The following SELE variants were observed in gnomAD, a reference collection of about 807,000 sequenced individuals.
The protein encoded by SELE is E-selectin.
Under a neutral mutation model 75.8 loss-of-function variants are expected in SELE, and 52 were observed. The observed-to-expected ratio is 0.69, with a 90% CI of 0.55 to 0.86. SELE has a LOEUF of 0.86. Ranked by LOEUF, SELE falls within the 40% of genes least tolerant of loss-of-function variation. The pLI is 0.00. For synonymous variants in SELE, 285 were observed against 258.7 expected (o/e 1.10, Z -0.98); for missense variants, 754 against 732.7 (o/e 1.03, Z -0.34).
Position 169,730,700 on chromosome 1 carries a change from T to TG in SELE, c.530-84_530-83insC. On this transcript the variant is annotated intron_variant, in intron 4 of 13. Coordinates refer to ENST00000333360, the MANE Select transcript of SELE (RefSeq NM_000450.2). ...CTGGAAACTAGAACTACAGTTTGGT[T>TG]TTTTTTTTTTTTAGTTTAAAAATTT... The TG allele has an allele frequency of 7.4e-6, 5 of 680,270 alleles. No homozygotes were observed. The African/African-American group carries it at 8.2e-5, about 11-fold the overall frequency. 42.1% of individuals were successfully genotyped at this position (680,270 alleles called of 1,614,324 possible). A position where few individuals can be genotyped will look rare whatever the true frequency, so the allele number is the denominator to read the frequency against.
At chr1:169,732,243 A>G (rs1174847660) in intron 3 of SELE, among the ~76,000 whole-genome samples, 2 of 151,664 alleles carry the variant, frequency 1.3e-5, no homozygotes, top group African/African-American at 4.8e-5. Flanking sequence ...GTGTGTGTGC[A>G]TTTTTATATG....
In SELE at chr1:169,730,564, G is replaced by A; in HGVS notation, c.583C>T (p.His195Tyr). 2 of 1,614,006 alleles carry A rather than the reference G, an allele frequency of 1.2e-6. No individual in the cohort carries two copies. Among genetic ancestry groups the A allele is most frequent in the South Asian group, 1.1e-5 (1 of 91,068 alleles). The change falls in exon 5 of 14, where the codon CAC becomes TAC. Residue 195 changes from histidine (H) to tyrosine (Y), a missense_variant. His to Tyr is a moderately conservative substitution (Grantham distance 83, BLOSUM62 2). Coordinates refer to ENST00000333360, the MANE Select transcript of SELE (RefSeq NM_000450.2). Reference sequence around the variant, plus strand: ...TTGTAGCTGAAGTTTCCCAGTGGGTGACTGCAAACCAGGCTTCCATGCTCA... The same window carrying A: ...TTGTAGCTGAAGTTTCCCAGTGGGTAACTGCAAACCAGGCTTCCATGCTCA... ...SPEHGSLVCS[H>Y]PLGNFSYNSS...
rs149439310 is a variant in SELE at position 169,731,678 on chromosome 1, C to T, written c.529+157G>A. 174 of 562,486 alleles carry T rather than the reference C, an allele frequency of 3.1e-4. 3 individuals are homozygous for T. In the East Asian group the frequency reaches 5.2e-3, roughly 17 times the overall value. The allele number at this position is 562,486 out of a possible 1,614,324, so 34.8% of individuals were successfully genotyped here. A position where few individuals can be genotyped will look rare whatever the true frequency, so the allele number is the denominator to read the frequency against. On this transcript the variant is annotated intron_variant, in intron 4 of 13. Transcript: ENST00000333360. The stretch of plus-strand genomic sequence containing the variant: ...ATAACTGGTGAATCTAGGACTCAAA[C>T]CCAGCAGGGTCTGACTTCATAGTCT...
In SELE at chr1:169,730,580, T is replaced by C; in HGVS notation, c.567A>G (p.Gly189=). 6.2e-7 allele frequency: 1 copy of C among 1,614,010 alleles called. No homozygotes were observed. Among genetic ancestry groups the C allele is most frequent in the South Asian group, 1.1e-5 (1 of 91,074 alleles). The change falls in exon 5 of 14, where the codon GGA becomes GGG. Residue 189 remains glycine (G), a synonymous_variant. Transcript: ENST00000333360. ...CCAGTGGGTGACTGCAAACCAGGCT[T>C]CCATGCTCAGGGGATTCCAGGGCTG... The part of the protein sequence containing the change: ...NCTALESPEH[G]SLVCSHPLGN...
At chr1:169,726,640 A>G (rs1648780793) in intron 11 of SELE, 59 bp downstream of exon 11, 3 of 1,146,446 alleles carry the variant, frequency 2.6e-6, no homozygotes, top group African/African-American at 1.5e-5. Context: ...ATGACTTATC[A>G]ATGAGAAAGA....
chr1:169,723,317 A>T lies in SELE; in HGVS notation c.*1208T>A, dbSNP rs1278359177. The T allele has an allele frequency of 6.6e-6, 1 of 152,232 alleles. No homozygotes were observed. Among genetic ancestry groups the T allele is most frequent in the East Asian group, 1.9e-4 (1 of 5,204 alleles). The allele number at this position is 152,232 out of a possible 1,614,324, so 9.4% of individuals were successfully genotyped here. On this transcript the variant is annotated 3_prime_UTR_variant, in exon 14 of 14. Transcript: ENST00000333360. Reference sequence around the variant, plus strand: ...AAAATCTACCAGATGACTCTTTTACATGGTGAGTTTCTATTGTGAATTTAA... The same window carrying T: ...AAAATCTACCAGATGACTCTTTTACTTGGTGAGTTTCTATTGTGAATTTAA...
At chr1:169,725,022 A>G (rs1286128306) in intron 13 of SELE, among the ~76,000 whole-genome samples, 1 of 152,146 alleles carries the variant, frequency 6.6e-6, no homozygotes, top group African/African-American at 2.4e-5. Flanking sequence ...TGGCTACACC[A>G]CTTACTAGCT....
chr1:169,729,115 T>C (rs1648844836), intron 7 of SELE, 71 bp downstream of exon 7: 1 of 1,416,216 alleles, frequency 7.1e-7, no homozygotes, highest in African/African-American at 1.4e-5. Context: ...GTATTGGTTT[T>C]TTTTTTCACT....
chr1:169,732,800 T>A lies in SELE; in HGVS notation c.236A>T (p.Asn79Ile). The A allele has an allele frequency of 1.2e-6, 2 of 1,614,130 alleles. No individual in the cohort carries two copies. The highest frequency in any genetic ancestry group is 1.7e-6 in the Non-Finnish European group (2 of 1,180,024). Residue 79 changes from asparagine to isoleucine, a missense_variant, in exon 3 of 14, where the codon AAT becomes ATT. Asn to Ile is a moderately radical substitution (Grantham distance 149). Transcript: ENST00000333360. ...CTGGGTTCCTACCCAGACCCACACA[T>A]TGTTGACTTTTCTGATTCCAATCCA... ...YYWIGIRKVN[N>I]VWVWVGTQKP...
chr1:169,726,218 G>A (rs1648758074), intron 11 of SELE, among the ~76,000 whole-genome samples: 1 of 152,168 alleles, frequency 6.6e-6, no homozygotes, highest in African/African-American at 2.4e-5. Context: ...TAATTTAAAT[G>A]TGAGATTTCC....
At position 169,725,962 on chromosome 1, in the gene SELE, G is replaced by A. The variant is rs759163177; in HGVS notation, c.1754-34C>T. Reference sequence around the variant, plus strand: ...GAAAAGACAAACAACCATTAATTCAGACTAAATGACTTTTAAGGATATATT... The same window carrying A: ...GAAAAGACAAACAACCATTAATTCAAACTAAATGACTTTTAAGGATATATT... On this transcript the variant is annotated intron_variant, in intron 11 of 13. Transcript: ENST00000333360. 6 of 1,612,360 alleles carry A rather than the reference G, an allele frequency of 3.7e-6. No homozygotes were observed. In the South Asian group the frequency reaches 6.6e-5, roughly 18 times the overall value.
chr1:169,729,110 G>C, intron 7 of SELE, 76 bp downstream of exon 7: 5 of 1,344,294 alleles, frequency 3.7e-6, no homozygotes, highest in Non-Finnish European at 5.1e-6. Context: ...AGTGGGTATT[G>C]GTTTTTTTTT....
chr1:169,727,935 A>G lies in SELE; in HGVS notation c.1280-8T>C, dbSNP rs5367. On this transcript the variant is annotated splice_region_variant and splice_polypyrimidine_tract_variant and intron_variant, in intron 8 of 13. Transcript: ENST00000333360. ...CAGCATCGCATCTCACAGCTGGAAC[A>G]CACGAGAGAGCACTTTAGAAGTTTG... 148,511 of 1,611,034 alleles carry G rather than the reference A, an allele frequency of 0.092. 7,451 individuals are homozygous for G. Among genetic ancestry groups the G allele is most frequent in the Middle Eastern group, 0.11 (693 of 6,048 alleles).
Position 169,733,632 on chromosome 1 carries a change from A to C in SELE, c.-20T>G. ...AATCATGACTTCAAGAGTTCTTTTCACCCAAAGGTTTAGGCTTGAAATACT... is the reference window on the plus strand; with the variant it reads ...AATCATGACTTCAAGAGTTCTTTTCCCCCAAAGGTTTAGGCTTGAAATACT... On this transcript the variant is annotated 5_prime_UTR_variant, in exon 2 of 14. Transcript: ENST00000333360. 1 of 1,613,314 alleles carries C rather than the reference A, an allele frequency of 6.2e-7. No individual in the cohort carries two copies. The highest frequency in any genetic ancestry group is 8.5e-7 in the Non-Finnish European group (1 of 1,179,224).
chr1:169,728,650 C>T (rs933172642), intron 7 of SELE, among the ~76,000 whole-genome samples: 3 of 152,208 alleles, frequency 2.0e-5, no homozygotes, highest in Admixed American at 2.0e-4. Flanking sequence ...TACTGGAAAT[C>T]ATTCTGTGCT....
In SELE at chr1:169,731,959, G is replaced by A. The variant is rs751631744; in HGVS notation, c.422-17C>T. On this transcript the variant is annotated splice_polypyrimidine_tract_variant and intron_variant, in intron 3 of 13. Transcript: ENST00000333360. ...TACAGGCAGCTACGGAAAATACAAA[G>A]CATGATGAGGAGGACTATTACTGTG... The A allele has an allele frequency of 1.6e-5, 24 of 1,527,216 alleles. No homozygotes were observed. In the African/African-American group the frequency reaches 2.0e-4, roughly 13 times the overall value. The allele number at this position is 1,527,216 out of a possible 1,614,324, so 94.6% of individuals were successfully genotyped here.
rs199845473 is a variant in SELE, at chr1:169,732,668, C to T, written c.368G>A (p.Gly123Asp). 3.7e-5 allele frequency: 60 copies of T among 1,613,128 alleles called. 1 individual carries two copies. Among genetic ancestry groups the T allele is most frequent in the Non-Finnish European group, 1.7e-6 (2 of 1,179,720 alleles). The change falls in exon 3 of 14, where the codon GGC becomes GAC. Residue 123 changes from glycine (G) to aspartate (D), a missense_variant. Gly to Asp is a moderately conservative substitution (Grantham distance 94). Transcript: ENST00000333360. ...GCTGCACCTCTCATCATTCCACATGCCCACATCTTTTTCTCTCTTGATGTA... is the reference window on the plus strand; with the variant it reads ...GCTGCACCTCTCATCATTCCACATGTCCACATCTTTTTCTCTCTTGATGTA... Reference protein sequence around the residue: ...EIYIKREKDVGMWNDERCSKK... With the variant: ...EIYIKREKDVDMWNDERCSKK...
chr1:169,729,110 G>A, intron 7 of SELE, 76 bp downstream of exon 7: 1 of 1,344,294 alleles, frequency 7.4e-7, no homozygotes, highest in Non-Finnish European at 1.0e-6. Context: ...AGTGGGTATT[G>A]GTTTTTTTTT....
At chr1:169,730,746 T>C in intron 4 of SELE, 129 bp from the exon 5 acceptor site, 1 of 528,632 alleles carries the variant, frequency 1.9e-6, no homozygotes, top group Non-Finnish European at 3.1e-6. Flanking sequence ...TAATGGAATT[T>C]GTAAAATTGA....
Sources: gnomAD v4.1 joint callset for allele counts (sites outside exome capture counted in the v4.1 genomes callset) on GRCh38, gnomAD v4.1.1 for gene constraint, MANE v1.5 for transcripts, NCBI Gene and HGNC (gene_info 2026-07-23, HGNC 2026-07-21) for gene names.